FHIT: variants seen among roughly 807,000 people sequenced by gnomAD.
FHIT encodes the protein bis(5'-adenosyl)-triphosphatase.
Under a neutral mutation model 17.9 loss-of-function variants are expected in FHIT, and 19 were observed. That is an observed-to-expected ratio of 1.06 (90% confidence interval 0.74 to 1.56). The LOEUF is 1.56. Ranked by LOEUF, FHIT falls within the 40% of genes most tolerant of loss-of-function variation. The pLI is 0.00. For missense variants in FHIT, 248 were observed against 189.2 expected (o/e 1.31, Z -1.82); for synonymous variants, 81 against 69.7 (o/e 1.16, Z -0.81).
chr3:59,863,797 T>G (rs1250736781), intron 8 of FHIT, among the ~76,000 whole-genome samples: 1 of 152,246 alleles, frequency 6.6e-6, no homozygotes, highest in Admixed American at 6.5e-5. Context: ...CAGAGCTCAT[T>G]GCTTAACCAA....
chr3:60,130,077 G>C (rs1479464651), intron 5 of FHIT, among the ~76,000 whole-genome samples: 1 of 152,038 alleles, frequency 6.6e-6, no homozygotes, highest in Non-Finnish European at 1.5e-5. Flanking sequence ...TTCTACCTTT[G>C]TTAGAAGTTC....
chr3:60,567,308 T>A (rs1328551978), intron 4 of FHIT, among the ~76,000 whole-genome samples: 1 of 151,992 alleles, frequency 6.6e-6, no homozygotes, highest in Non-Finnish European at 1.5e-5. Flanking sequence ...TAATGCCACA[T>A]ATCTACAACC....
intron 5 of FHIT, among the ~76,000 whole-genome samples, chr3:60,187,110 T>C (rs895143241): frequency 8.5e-5 from 13 of 152,090 alleles, no homozygotes; most frequent in Admixed American, 8.5e-4. Flanking sequence ...CTGTGGGGGA[T>C]CAAATGGTAT....
At chr3:60,952,998 C>A (rs1211089068) in intron 3 of FHIT, among the ~76,000 whole-genome samples, 8 of 152,260 alleles carry the variant, frequency 5.3e-5, no homozygotes, top group African/African-American at 1.9e-4. Flanking sequence ...ATCTTATATT[C>A]ATTTAAGTCT....
intron 5 of FHIT, among the ~76,000 whole-genome samples, chr3:60,511,628 T>C (rs973928363): frequency 2.0e-5 from 3 of 152,154 alleles, no homozygotes; most frequent in Non-Finnish European, 4.4e-5. Flanking sequence ...ATTTAAAATA[T>C]ATGTATACAT....
At chr3:60,089,049 A>G (rs17062141) in intron 5 of FHIT, among the ~76,000 whole-genome samples, 42,771 of 152,136 alleles carry the variant, frequency 0.28, 6,246 homozygotes, top group African/African-American at 0.33. Flanking sequence ...CCCCAACGCT[A>G]ATGGCAAGGG....
chr3:60,579,216 T>G (rs1160579764), intron 4 of FHIT, among the ~76,000 whole-genome samples: 1 of 152,176 alleles, frequency 6.6e-6, no homozygotes, highest in Non-Finnish European at 1.5e-5. Flanking sequence ...TATAGCCCAC[T>G]ATACACATAG....
chr3:59,810,937 C>T (rs2107042594), intron 8 of FHIT, among the ~76,000 whole-genome samples: 1 of 152,340 alleles, frequency 6.6e-6, no homozygotes, highest in African/African-American at 2.4e-5. Context: ...TAATTTAAAA[C>T]ATGTCTGTTG....
chr3:60,476,799 G>A (rs986583229), intron 5 of FHIT, among the ~76,000 whole-genome samples: 1 of 151,926 alleles, frequency 6.6e-6, no homozygotes, highest in Non-Finnish European at 1.5e-5. Flanking sequence ...CCTTGTCGGA[G>A]GTACTTAAGT....
intron 7 of FHIT, among the ~76,000 whole-genome samples, chr3:59,958,203 A>G (rs1394804892): frequency 6.6e-6 from 1 of 152,178 alleles, no homozygotes; most frequent in African/African-American, 2.4e-5. Flanking sequence ...AAATTGGCAC[A>G]TATCTTGATA....
intron 8 of FHIT, among the ~76,000 whole-genome samples, chr3:59,826,251 G>A (rs1483914574): frequency 6.6e-6 from 1 of 152,130 alleles, no homozygotes; most frequent in East Asian, 1.9e-4. Flanking sequence ...CTGAGTAGCT[G>A]GGACTACAGT....
chr3:59,882,984 G>T (rs1228119301), intron 8 of FHIT, among the ~76,000 whole-genome samples: 3 of 152,086 alleles, frequency 2.0e-5, no homozygotes, highest in African/African-American at 7.2e-5. Flanking sequence ...TCCTTACTAG[G>T]TCAGCAAACC....
At chr3:59,931,280 C>G (rs1010313484) in intron 7 of FHIT, among the ~76,000 whole-genome samples, 1 of 152,150 alleles carries the variant, frequency 6.6e-6, no homozygotes, top group Non-Finnish European at 1.5e-5. Context: ...CATCACCAAC[C>G]CCAAAGCTGT....
intron 2 of FHIT, among the ~76,000 whole-genome samples, chr3:61,080,623 T>C (rs2035105789): frequency 1.3e-5 from 2 of 152,192 alleles, no homozygotes; most frequent in Non-Finnish European, 2.9e-5. Context: ...GAAATTTATG[T>C]CCAAGACTAA....
intron 5 of FHIT, among the ~76,000 whole-genome samples, chr3:60,281,458 C>A (rs1707447341): frequency 6.6e-6 from 1 of 152,094 alleles, no homozygotes. Flanking sequence ...GCGATCAAGA[C>A]AGCATGGTAC....
chr3:60,204,721 A>G (rs1374620961), intron 5 of FHIT, among the ~76,000 whole-genome samples: 2 of 152,196 alleles, frequency 1.3e-5, no homozygotes, highest in Non-Finnish European at 1.5e-5. Context: ...ACTAATACAA[A>G]TGAAAATAAG....
intron 5 of FHIT, among the ~76,000 whole-genome samples, chr3:60,433,332 T>C (rs926751711): frequency 6.6e-6 from 1 of 151,986 alleles, no homozygotes; most frequent in Non-Finnish European, 1.5e-5. Context: ...GGAAGGACAT[T>C]TAGGTTGTTT....
chr3:61,099,241 G>T (rs1183674670), intron 2 of FHIT, among the ~76,000 whole-genome samples: 1 of 152,136 alleles, frequency 6.6e-6, no homozygotes. Flanking sequence ...TGCATATGTT[G>T]AACTAACTTT....
chr3:60,945,107 C>A (rs1273181972), intron 3 of FHIT, among the ~76,000 whole-genome samples: 9 of 151,918 alleles, frequency 5.9e-5, no homozygotes, highest in Non-Finnish European at 1.5e-5. Flanking sequence ...CTACAGTAGG[C>A]AAGATGATCA....
Sources: allele counts gnomAD v4.1 joint callset (sites outside exome capture counted in the v4.1 genomes callset), GRCh38; gene constraint gnomAD v4.1.1; transcripts MANE v1.5; gene names NCBI Gene and HGNC (gene_info 2026-07-23, HGNC 2026-07-21).